Variants in JUP observed in about 807,000 individuals in gnomAD.
JUP encodes catenin (cadherin-associated protein), gamma 80kDa.
A neutral mutation model predicts 71.1 loss-of-function variants in JUP; 28 were observed. The observed-to-expected ratio is 0.39, with a 90% CI of 0.29 to 0.54. JUP has a LOEUF of 0.54. Among genes scored for constraint, JUP ranks in the 20% least tolerant of loss-of-function variants. JUP has a pLI of 0.62. For missense variants in JUP, 869 were observed against 1,030.1 expected, an observed-to-expected ratio of 0.84 and a Z score of 2.14; for synonymous variants, 401 against 438.9, an observed-to-expected ratio of 0.91 and a Z score of 1.08.
chr17:41,760,254 T>G (rs1275362842), intron 8 of JUP, among the ~76,000 whole-genome samples: 3 of 151,844 alleles, frequency 2.0e-5, no homozygotes, highest in Non-Finnish European at 4.4e-5. Flanking sequence ...TGTTTGTTTG[T>G]TTTTTTGTTT....
intron 8 of JUP, among the ~76,000 whole-genome samples, chr17:41,760,265 G>T (rs546196745): frequency 6.6e-5 from 10 of 150,902 alleles, no homozygotes; most frequent in African/African-American, 2.2e-4. Flanking sequence ...TTTTTTGTTT[G>T]TTTTTTTTGA....
intron 8 of JUP, among the ~76,000 whole-genome samples, chr17:41,762,494 G>A (rs1329657260): frequency 5.9e-5 from 9 of 151,982 alleles, no homozygotes; most frequent in Admixed American, 1.3e-4. Context: ...GTGCTCAAGC[G>A]ATCCTCCGAC....
At chr17:41,782,341 C>A (rs193086316) in intron 1 of JUP, among the ~76,000 whole-genome samples, 1 of 152,308 alleles carries the variant, frequency 6.6e-6, no homozygotes, top group Admixed American at 6.5e-5. Context: ...ACAGCCAGTT[C>A]CCCATCAAGA....
chr17:41,782,350 G>C (rs1201943853), intron 1 of JUP, among the ~76,000 whole-genome samples: 1 of 152,182 alleles, frequency 6.6e-6, no homozygotes, highest in Non-Finnish European at 1.5e-5. Context: ...TCCCCATCAA[G>C]AGCAGCCTGG....
intron 1 of JUP, among the ~76,000 whole-genome samples, chr17:41,781,574 C>T (rs1332154411): frequency 1.3e-5 from 2 of 152,228 alleles, no homozygotes; most frequent in Admixed American, 6.5e-5. Flanking sequence ...TGCAGGAACA[C>T]AAGCCCTGGT....
intron 2 of JUP, 135 bp from the exon 3 acceptor site, chr17:41,769,812 T>A: frequency 1.0e-6 from 1 of 959,212 alleles, no homozygotes; most frequent in African/African-American, 1.6e-5. Flanking sequence ...AGCACATGAC[T>A]GGCCATTCTA....
At chr17:41,757,571 G>A (rs568425354) in intron 11 of JUP, 35 bp from the exon 12 acceptor site, 43 of 1,614,006 alleles carry the variant, frequency 2.7e-5, no homozygotes, top group South Asian at 2.2e-4. Flanking sequence ...CAGGTTAAAC[G>A]TCGGCCAGCC....
intron 1 of JUP, among the ~76,000 whole-genome samples, chr17:41,775,333 G>A (rs1422632720): frequency 3.3e-5 from 5 of 152,190 alleles, no homozygotes; most frequent in Non-Finnish European, 4.4e-5. Flanking sequence ...AAGGGGTCAC[G>A]GGAGCTATTC....
In JUP at chr17:41,769,509, G is replaced by A. The variant is rs1555605751; in HGVS notation, c.377C>T (p.Ala126Val). 1 of 1,612,608 alleles carries A rather than the reference G, an allele frequency of 6.2e-7. No homozygotes were observed. The highest frequency in any genetic ancestry group is 1.1e-5 in the South Asian group (1 of 90,712). The change falls in exon 3 of 14, where the codon GCC becomes GTC. Residue 126 changes from alanine to valine, a missense_variant. Ala to Val is a moderately conservative substitution (Grantham distance 64). Coordinates refer to ENST00000393931, the MANE Select transcript of JUP (RefSeq NM_002230.4). ...LAEPSQLLKSAIVHLINYQDD... is the reference protein window; with the variant it reads ...LAEPSQLLKSVIVHLINYQDD... ...CTGGTAGTTGATGAGATGCACAATG[G>A]CCGACTTGAGCAGCTGGGACGGCTC...
At chr17:41,772,133 G>A (rs1916760522) in intron 1 of JUP, 11 of 544,010 alleles carry the variant, frequency 2.0e-5, no homozygotes, top group South Asian at 5.8e-5. Context: ...CCAGGGGGAT[G>A]AGCCCCAGGG....
chr17:41,757,732 C>A lies in JUP; in HGVS notation c.1826G>T (p.Cys609Phe). The A allele has an allele frequency of 6.2e-7, 1 of 1,613,088 alleles. No homozygotes were observed. Among genetic ancestry groups the A allele is most frequent in the South Asian group, 1.1e-5 (1 of 91,000 alleles). ...NIQRVAAGVL[C>F]ELAQDKEAAD... is the part of the protein sequence containing the mutation. ...CGCCTCCTTGTCCTGGGCCAGCTCA[C>A]ACAGCACCCCGGCAGCCACGCGCTG... The change falls in exon 11 of 14, where the codon TGT becomes TTT. Residue 609 changes from cysteine (C) to phenylalanine (F), a missense_variant. Cys to Phe is a radical substitution (Grantham distance 205). Coordinates refer to ENST00000393931, the MANE Select transcript of JUP (RefSeq NM_002230.4).
intron 1 of JUP, among the ~76,000 whole-genome samples, chr17:41,784,455 A>G (rs2047349870): frequency 6.6e-6 from 1 of 152,128 alleles, no homozygotes; most frequent in Non-Finnish European, 1.5e-5. Context: ...ACCTCCTAGC[A>G]GTACTTCCTC....
rs781967657 is a variant in JUP at position 41,763,222 on chromosome 17, A to G, written c.1258T>C (p.Cys420Arg). Reference protein sequence around the residue: ...CATGTLSNLTCNNSKNKTLVT... With the variant: ...CATGTLSNLTRNNSKNKTLVT... ...AGCGTCTTGTTCTTGCTGTTGTTGC[A>G]TGTCAGGTTGGAGAGTGTGCCCGTG... The change falls in exon 8 of 14, where the codon TGC becomes CGC. Residue 420 changes from cysteine (C) to arginine (R), a missense_variant. Transcript: ENST00000393931. 1 of 1,614,198 alleles carries G rather than the reference A, an allele frequency of 6.2e-7. No individual in the cohort carries two copies. The highest frequency in any genetic ancestry group is 8.5e-7 in the Non-Finnish European group (1 of 1,180,032).
chr17:41,781,249 G>A (rs2047148146), intron 1 of JUP, among the ~76,000 whole-genome samples: 1 of 151,908 alleles, frequency 6.6e-6, no homozygotes, highest in African/African-American at 2.4e-5. Flanking sequence ...CAGCTACGCG[G>A]GAGGCTGAGA....
chr17:41,766,293 G>A (rs1555603996), intron 5 of JUP, among the ~76,000 whole-genome samples: 1 of 149,328 alleles, frequency 6.7e-6, no homozygotes, highest in South Asian at 2.1e-4. Context: ...AAGGAAGAAA[G>A]AGAGGAAGAG....
At chr17:41,782,755 A>G (rs1243056080) in intron 1 of JUP, among the ~76,000 whole-genome samples, 1 of 152,084 alleles carries the variant, frequency 6.6e-6, no homozygotes, top group Non-Finnish European at 1.5e-5. Context: ...ACATGCCTTC[A>G]TGGGCCCTTC....
chr17:41,760,357 A>C (rs1914612546), intron 8 of JUP, among the ~76,000 whole-genome samples: 1 of 146,308 alleles, frequency 6.8e-6, no homozygotes, highest in South Asian at 2.2e-4. Context: ...CCGGGTTCAC[A>C]CCATTCTCCT....
chr17:41,771,955 A>G (rs1916726814), intron 1 of JUP, 93 bp from the exon 2 acceptor site: 1 of 1,025,330 alleles, frequency 9.8e-7, no homozygotes, highest in South Asian at 1.4e-5. Flanking sequence ...GTCTTCCCAC[A>G]TCATCACCAT....
intron 8 of JUP, 66 bp downstream of exon 8, chr17:41,762,917 T>C: frequency 7.1e-7 from 1 of 1,398,614 alleles, no homozygotes; most frequent in Non-Finnish European, 1.0e-6. Context: ...ACAGCGGCTT[T>C]GCCTATACCA....
Sources: gnomAD v4.1 joint callset for allele counts (sites outside exome capture counted in the v4.1 genomes callset) on GRCh38, gnomAD v4.1.1 for gene constraint, MANE v1.5 for transcripts, NCBI Gene and HGNC (gene_info 2026-07-23, HGNC 2026-07-21) for gene names.